Variants in FBXO25 observed in about 807,000 individuals in gnomAD.
FBXO25 encodes the protein F-box protein 25, also known as F-box only protein 25.
A neutral mutation model predicts 51.9 loss-of-function variants in FBXO25; 45 were observed. That is an observed-to-expected ratio of 0.87 (90% confidence interval 0.68 to 1.11). The LOEUF (loss-of-function observed/expected upper bound fraction) is 1.11. Among genes scored for constraint, FBXO25 ranks in the 50% most tolerant of loss-of-function variants. FBXO25 has a pLI of 0.00. For missense variants in FBXO25, 507 were observed against 428.5 expected, an observed-to-expected ratio of 1.18 and a Z score of -1.62; for synonymous variants, 199 against 151.0, an observed-to-expected ratio of 1.32 and a Z score of -2.33.
Position 451,369 on chromosome 8 carries a change from A to G in FBXO25, c.576A>G (p.Leu192=). 6.2e-7 allele frequency: 1 copy of G among 1,614,058 alleles called. No homozygotes were observed. The highest frequency in any genetic ancestry group is 8.5e-7 in the Non-Finnish European group (1 of 1,179,958). ...TTAGAGGAGTAGGGAAGTCTGTATT[A>G]GTGGGAAACATCAATATTTGGATTT... is the stretch of plus-strand genomic sequence containing the variant. The part of the protein sequence containing the change: ...ILIRGVGKSV[L]VGNINIWICR... The change falls in exon 7 of 10, where the codon TTA becomes TTG. Residue 192 remains leucine (L), a synonymous_variant. Coordinates refer to ENST00000350302, the MANE Select transcript of FBXO25 (RefSeq NM_183420.2).
intron 5 of FBXO25, 103 bp downstream of exon 5, chr8:435,810 G>T: frequency 1.3e-6 from 2 of 1,498,676 alleles, no homozygotes; most frequent in Non-Finnish European, 1.8e-6. Context: ...CAGCTTGAAG[G>T]TGTGCCTGTT....
chr8:414,301 T>C (rs1246748164), intron 2 of FBXO25, among the ~76,000 whole-genome samples: 2 of 152,388 alleles, frequency 1.3e-5, no homozygotes, highest in Middle Eastern at 3.4e-3. Context: ...TATACAGTTA[T>C]GAATTTTCTA....
rs139001676 is a variant in FBXO25 at position 416,428 on chromosome 8, A to G, written c.134+3215A>G. ...TCCTGAATCTTTATTTTTTGTCCAG[A>G]ACACCTGAGATATTCCGAACAGAGG... On this transcript the variant is annotated intron_variant, in intron 2 of 9. Coordinates refer to ENST00000350302, the MANE Select transcript of FBXO25 (RefSeq NM_183420.2). Among the ~76,000 whole-genome samples, 8 of 152,332 alleles carry G rather than the reference A, an allele frequency of 5.3e-5. No individual in the cohort carries two copies. In the East Asian group the frequency reaches 1.5e-3, roughly 29 times the overall value.
intron 2 of FBXO25, among the ~76,000 whole-genome samples, chr8:428,704 C>G (rs1480778744): frequency 6.6e-6 from 1 of 152,180 alleles, no homozygotes; most frequent in African/African-American, 2.4e-5. Context: ...TTTTCATTCT[C>G]CAGCACCCCC....
At position 435,520 on chromosome 8, in the gene FBXO25, T is replaced by G. The variant is rs533876235; in HGVS notation, c.289-95T>G. ...TTCAAAATAAAAACAAATTGTCCTT[T>G]GCCAAAAATTTTTTTAATCGCACAA... On this transcript the variant is annotated intron_variant, in intron 4 of 9. Transcript: ENST00000350302. 98 of 1,273,608 alleles carry G rather than the reference T, an allele frequency of 7.7e-5. 1 individual carries two copies. In the East Asian group the frequency reaches 2.4e-3, roughly 31 times the overall value. The allele number at this position is 1,273,608 out of a possible 1,614,324, so 78.9% of individuals were successfully genotyped here. A position where few individuals can be genotyped will look rare whatever the true frequency, so the allele number is the denominator to read the frequency against.
chr8:430,365 C>A (rs967017125), intron 2 of FBXO25, among the ~76,000 whole-genome samples: 1 of 151,894 alleles, frequency 6.6e-6, no homozygotes, highest in African/African-American at 2.4e-5. Flanking sequence ...CTTTGCTTGT[C>A]TTGATGATTT....
At chr8:435,803 C>A in intron 5 of FBXO25, 96 bp downstream of exon 5, 3 of 1,510,832 alleles carry the variant, frequency 2.0e-6, no homozygotes, top group Non-Finnish European at 2.7e-6. Flanking sequence ...CTTTTGGCAG[C>A]TTGAAGGTGT....
chr8:451,296 TA>T lies in FBXO25; in HGVS notation c.505del (p.Ile169SerfsTer8). 6.2e-7 allele frequency: 1 copy of T among 1,610,062 alleles called. No individual in the cohort carries two copies. Among genetic ancestry groups the T allele is most frequent in the Non-Finnish European group, 8.5e-7 (1 of 1,178,984 alleles). ...KVLDDHHNPR[L>X]IKDLLQDLSS... ...CTTGATGACCACCACAATCCTCGCT[TA>T]ATCAAAGATCTTCTGCAAGACCTAA... On this transcript the variant is annotated frameshift_variant, in exon 7 of 10. Coordinates refer to ENST00000350302, the MANE Select transcript of FBXO25 (RefSeq NM_183420.2). LOFTEE classifies it high-confidence loss of function.
intron 2 of FBXO25, among the ~76,000 whole-genome samples, chr8:428,161 C>G (rs955039879): frequency 6.6e-6 from 1 of 152,010 alleles, no homozygotes; most frequent in Non-Finnish European, 1.5e-5. Flanking sequence ...TCTTCCTTTT[C>G]TTGAATGGAA....
At chr8:417,580 A>G (rs1285653510) in intron 2 of FBXO25, among the ~76,000 whole-genome samples, 1 of 152,220 alleles carries the variant, frequency 6.6e-6, no homozygotes, top group African/African-American at 2.4e-5. Context: ...CTTGTCTTGC[A>G]CAGGGTCCTT....
intron 6 of FBXO25, 57 bp from the exon 7 acceptor site, chr8:451,212 T>C: frequency 6.7e-7 from 1 of 1,485,120 alleles, no homozygotes; most frequent in Non-Finnish European, 9.1e-7. Context: ...AACTAGATCT[T>C]TTTTTAAAGT....
chr8:407,892 C>G (rs575336189), intron 1 of FBXO25, among the ~76,000 whole-genome samples: 2 of 152,284 alleles, frequency 1.3e-5, no homozygotes, highest in South Asian at 4.1e-4. Flanking sequence ...TAGATTCCAC[C>G]TCTGTCCTTG....
intron 7 of FBXO25, among the ~76,000 whole-genome samples, chr8:453,085 G>A (rs1799194543): frequency 2.6e-5 from 4 of 152,194 alleles, no homozygotes; most frequent in Admixed American, 6.5e-5. Context: ...GCACACTTAC[G>A]TGGCAATACC....
chr8:472,460 G>C lies in FBXO25; in HGVS notation c.*3656G>C, dbSNP rs988488958. The C allele has an allele frequency of 2.6e-5, 4 of 152,208 alleles. No individual in the cohort carries two copies. The highest frequency in any genetic ancestry group is 5.9e-5 in the Non-Finnish European group (4 of 68,082). 9.4% of individuals were successfully genotyped at this position (152,208 alleles called of 1,614,324 possible). On this transcript the variant is annotated 3_prime_UTR_variant, in exon 10 of 10. Coordinates refer to ENST00000350302, the MANE Select transcript of FBXO25 (RefSeq NM_183420.2). ...CATAGCTGTTAGATTTGGTGTGCTG[G>C]AACAGCCAGCCCTCTGTATCCACGG...
intron 8 of FBXO25, among the ~76,000 whole-genome samples, chr8:461,090 T>G (rs1179190195): frequency 6.6e-6 from 1 of 152,228 alleles, no homozygotes; most frequent in Non-Finnish European, 1.5e-5. Flanking sequence ...GTTTTTTGTT[T>G]CAGGCTTTTG....
chr8:425,332 T>C (rs568773732), intron 2 of FBXO25, among the ~76,000 whole-genome samples: 1 of 152,056 alleles, frequency 6.6e-6, no homozygotes, highest in Non-Finnish European at 1.5e-5. Context: ...CACATTTTTC[T>C]CTCTATCCCT....
In FBXO25 at chr8:462,232, G is replaced by A. The variant is rs567448901; in HGVS notation, c.844-775G>A. Among the ~76,000 whole-genome samples the A allele has an allele frequency of 1.1e-3, 160 of 152,312 alleles. 1 individual carries two copies. The highest frequency in any genetic ancestry group is 1.8e-3 in the Non-Finnish European group (124 of 68,026). On this transcript the variant is annotated intron_variant, in intron 8 of 9. Coordinates refer to ENST00000350302, the MANE Select transcript of FBXO25 (RefSeq NM_183420.2). ...TCTCATTCCATTTCCCTGATGACTG[G>A]ATTCTAGAGCATCTTTTCATGAGGT...
At chr8:442,385 G>A (rs975345173) in intron 5 of FBXO25, among the ~76,000 whole-genome samples, 2 of 151,706 alleles carry the variant, frequency 1.3e-5, no homozygotes, top group African/African-American at 2.4e-5. Context: ...GCTGATAGTT[G>A]TACTGCACCT....
chr8:468,708 C>T lies in FBXO25; in HGVS notation c.988-7C>T. The stretch of plus-strand genomic sequence containing the variant: ...CCCCCTCCTAACCATCTCCCACCTC[C>T]CCACAGGACTCAGGACACCCCTGCA... On this transcript the variant is annotated splice_polypyrimidine_tract_variant and splice_region_variant and intron_variant, in intron 9 of 9. Coordinates refer to ENST00000350302, the MANE Select transcript of FBXO25 (RefSeq NM_183420.2). 5.6e-5 allele frequency: 91 copies of T among 1,613,066 alleles called. No individual in the cohort carries two copies. Among genetic ancestry groups the T allele is most frequent in the Non-Finnish European group, 7.5e-5 (88 of 1,179,510 alleles).
Sources: allele counts gnomAD v4.1 joint callset (sites outside exome capture counted in the v4.1 genomes callset), GRCh38; gene constraint gnomAD v4.1.1; transcripts MANE v1.5; gene names NCBI Gene and HGNC (gene_info 2026-07-23, HGNC 2026-07-21).